Variants in KLHL15 observed in about 807,000 individuals in gnomAD.
The protein encoded by KLHL15 is kelch like family member 15.
A neutral mutation model predicts 29.3 loss-of-function variants in KLHL15; 1 was observed. The observed-to-expected ratio is 0.03, with a 90% CI of 0.01 to 0.16. KLHL15 has a LOEUF of 0.16. Ranked by LOEUF, KLHL15 falls within the 10% of genes least tolerant of loss-of-function variation. KLHL15 has a pLI of 1.00. For missense variants in KLHL15, 215 were observed against 478.5 expected (o/e 0.45, Z 5.14); for synonymous variants, 212 against 184.5 (o/e 1.15, Z -1.21).
Position 24,025,172 on chromosome X carries a change from G to A in KLHL15, c.-209-114C>T, listed in dbSNP as rs926515823. On this transcript the variant is annotated intron_variant, in intron 1 of 3. Transcript: ENST00000328046. Reference sequence around the variant, plus strand: ...CAACGCCGGGGGCCTCGCAGCACCCGACGGGGCTCGGCGGGAGGGCCGACT... The same window carrying A: ...CAACGCCGGGGGCCTCGCAGCACCCAACGGGGCTCGGCGGGAGGGCCGACT... 4.9e-5 allele frequency: 14 copies of A among 286,913 alleles called. No individual in the cohort carries two copies. In the East Asian group the frequency reaches 6.4e-4, roughly 13 times the overall value. The allele number at this position is 286,913 out of a possible 1,213,427, so 23.6% of individuals were successfully genotyped here.
intron 3 of KLHL15, 118 bp from the exon 4 acceptor site, chrX:23,989,148 A>G: frequency 1.8e-6 from 1 of 563,787 alleles, no homozygotes; most frequent in Non-Finnish European, 2.7e-6. Flanking sequence ...TTTTCCTGCT[A>G]AGATCACCTA....
chrX:24,001,796 T>C (rs1929322509), intron 3 of KLHL15, among the ~76,000 whole-genome samples: 1 of 58,517 alleles, frequency 1.7e-5, no homozygotes, highest in Non-Finnish European at 2.9e-5. Flanking sequence ...AGAGCGAGAC[T>C]TGACTCAAAA....
chrX:24,017,891 G>C (rs1165415204), intron 2 of KLHL15, among the ~76,000 whole-genome samples: 4 of 109,937 alleles, frequency 3.6e-5, no homozygotes, highest in Non-Finnish European at 7.6e-5. Context: ...AGGATCACTT[G>C]ATCCAGTTCA....
intron 3 of KLHL15, among the ~76,000 whole-genome samples, chrX:24,000,290 T>C (rs1157013112): frequency 9.1e-6 from 1 of 110,207 alleles, no homozygotes; most frequent in Non-Finnish European, 1.9e-5. Flanking sequence ...TCGAGAAACA[T>C]GGTGAAACCC....
intron 2 of KLHL15, among the ~76,000 whole-genome samples, chrX:24,022,175 A>C (rs1929819390): frequency 9.2e-6 from 1 of 108,828 alleles, no homozygotes; most frequent in Non-Finnish European, 1.9e-5. Context: ...TGTCTACTAA[A>C]AATACAAAAA....
chrX:24,015,522 G>A (rs1181833918), intron 2 of KLHL15, among the ~76,000 whole-genome samples: 4 of 112,383 alleles, frequency 3.6e-5, no homozygotes, highest in East Asian at 2.8e-4. Flanking sequence ...TATGGTAAGC[G>A]TGTATTAAGT....
intron 3 of KLHL15, among the ~76,000 whole-genome samples, chrX:24,003,569 A>AAC (rs1207182331): frequency 4.5e-4 from 48 of 107,652 alleles, no homozygotes; most frequent in African/African-American, 1.5e-3. Flanking sequence ...AACCAAAAAA[A>AAC]AAAAAACAAA....
intron 3 of KLHL15, among the ~76,000 whole-genome samples, chrX:23,995,431 G>A (rs1929168738): frequency 2.0e-5 from 2 of 101,225 alleles, no homozygotes; most frequent in Non-Finnish European, 4.0e-5. Flanking sequence ...AAAAAAGGCT[G>A]GCTAAAAGCC....
At chrX:24,022,032 A>G (rs933269632) in intron 2 of KLHL15, among the ~76,000 whole-genome samples, 3 of 111,393 alleles carry the variant, frequency 2.7e-5, no homozygotes, top group Admixed American at 9.6e-5. Flanking sequence ...AATCAGGGAA[A>G]AATGTTGTTA....
chrX:24,016,339 CAAAAAA>C (rs755683770), intron 2 of KLHL15, among the ~76,000 whole-genome samples: 2,635 of 21,547 alleles, frequency 0.12, 178 homozygotes, highest in Middle Eastern at 0.4. Context: ...GACTCTGTCT[CAAAAAA>C]AAAAAAAAAA....
At chrX:24,002,443 G>A (rs1031221377) in intron 3 of KLHL15, among the ~76,000 whole-genome samples, 2 of 111,713 alleles carry the variant, frequency 1.8e-5, no homozygotes, top group Admixed American at 9.5e-5. Flanking sequence ...TAGATCAAAT[G>A]AGTCATAAAA....
chrX:24,020,142 A>G (rs1929774366), intron 2 of KLHL15, among the ~76,000 whole-genome samples: 1 of 112,654 alleles, frequency 8.9e-6, no homozygotes, highest in Non-Finnish European at 1.9e-5. Context: ...TGCATATCGA[A>G]AAGAGAATGC....
chrX:24,018,642 A>G (rs1281874891), intron 2 of KLHL15, among the ~76,000 whole-genome samples: 2 of 111,591 alleles, frequency 1.8e-5, no homozygotes, highest in East Asian at 5.6e-4. Flanking sequence ...CAGTTGTCCT[A>G]AAAGATCCCA....
chrX:24,003,856 G>C (rs1929388067), intron 3 of KLHL15, among the ~76,000 whole-genome samples: 2 of 107,783 alleles, frequency 1.9e-5, no homozygotes, highest in Non-Finnish European at 3.8e-5. Context: ...GGGAGGCCGA[G>C]GCACGAGGAT....
intron 3 of KLHL15, among the ~76,000 whole-genome samples, chrX:24,000,183 T>C (rs1038674196): frequency 4.4e-5 from 5 of 112,389 alleles, no homozygotes; most frequent in African/African-American, 1.3e-4. Context: ...TAAAGGTTAC[T>C]ATCTTTTAAA....
intron 2 of KLHL15, among the ~76,000 whole-genome samples, chrX:24,023,494 T>G (rs1161073861): frequency 8.9e-6 from 1 of 112,452 alleles, no homozygotes; most frequent in Non-Finnish European, 1.9e-5. Flanking sequence ...CAAAACCATT[T>G]GTTAGCTAAA....
At chrX:24,019,628 G>A (rs4428823) in intron 2 of KLHL15, among the ~76,000 whole-genome samples, 44,869 of 109,433 alleles carry the variant, frequency 0.41, 7,485 homozygotes, top group South Asian at 0.78. Context: ...AACTGAAAGT[G>A]TAAGAGATAA....
At chrX:24,003,861 G>A (rs1052732836) in intron 3 of KLHL15, among the ~76,000 whole-genome samples, 13 of 107,929 alleles carry the variant, frequency 1.2e-4, no homozygotes, top group African/African-American at 3.7e-4. Context: ...GCCGAGGCAC[G>A]AGGATCACTT....
At chrX:23,996,618 G>A (rs1168990839) in intron 3 of KLHL15, among the ~76,000 whole-genome samples, 1 of 111,318 alleles carries the variant, frequency 9.0e-6, no homozygotes, top group African/African-American at 3.3e-5. Flanking sequence ...AGCCGAGATC[G>A]CACCGCTGCA....
Sources: gnomAD v4.1 joint callset for allele counts (sites outside exome capture counted in the v4.1 genomes callset) on GRCh38, gnomAD v4.1.1 for gene constraint, MANE v1.5 for transcripts, NCBI Gene and HGNC (gene_info 2026-07-23, HGNC 2026-07-21) for gene names.